The following SLC9C1 variants were observed in gnomAD, a reference collection of about 807,000 sequenced individuals.
SLC9C1 encodes solute carrier family 9 member C1.
Under a neutral mutation model 140.9 loss-of-function variants are expected in SLC9C1, and 97 were observed. The ratio of observed to expected loss-of-function variants is 0.69; its 90% CI spans 0.58 to 0.82. The LOEUF (loss-of-function observed/expected upper bound fraction) is 0.82, where lower values mean the gene tolerates loss of function less well. SLC9C1 is among the 40% of genes least tolerant of loss of function. SLC9C1 has a pLI of 0.00. For synonymous variants in SLC9C1, 440 were observed against 442.6 expected, an observed-to-expected ratio of 0.99 and a Z score of 0.07; for missense variants, 1,340 against 1,389.3, an observed-to-expected ratio of 0.96 and a Z score of 0.56.
intron 28 of SLC9C1, among the ~76,000 whole-genome samples, chr3:112,141,612 CT>C (rs1469172496): frequency 6.6e-6 from 1 of 152,180 alleles, no homozygotes; most frequent in Non-Finnish European, 1.5e-5. Flanking sequence ...ACTCATTGAG[CT>C]TCAGTTCTGA....
At chr3:112,187,857 A>G (rs912696595) in intron 20 of SLC9C1, among the ~76,000 whole-genome samples, 1 of 152,068 alleles carries the variant, frequency 6.6e-6, no homozygotes, top group Non-Finnish European at 1.5e-5. Flanking sequence ...TTAAAAATCT[A>G]AAATGACCAT....
At chr3:112,266,131 A>T (rs1243735973) in intron 8 of SLC9C1, 107 bp downstream of exon 8, 1 of 844,576 alleles carries the variant, frequency 1.2e-6, no homozygotes, top group Non-Finnish European at 1.8e-6. Context: ...GGTAGTTTTC[A>T]AGTCTTTGAA....
intron 2 of SLC9C1, among the ~76,000 whole-genome samples, chr3:112,285,476 A>G (rs2080482500): frequency 6.6e-6 from 1 of 152,224 alleles, no homozygotes; most frequent in Non-Finnish European, 1.5e-5. Flanking sequence ...CCTGAGCTCA[A>G]GCAATCTGCC....
At chr3:112,141,334 A>T in intron 28 of SLC9C1, 53 bp from the exon 29 acceptor site, 1 of 1,545,824 alleles carries the variant, frequency 6.5e-7, no homozygotes, top group Non-Finnish European at 8.7e-7. Context: ...TGAATCTTTC[A>T]ATATTGACTT....
intron 3 of SLC9C1, 39 bp downstream of exon 3, chr3:112,280,644 T>C: frequency 1.7e-5 from 26 of 1,519,856 alleles, no homozygotes; most frequent in Non-Finnish European, 2.0e-5. Flanking sequence ...TATATAATTC[T>C]CAAATAAATA....
chr3:112,199,491 T>C (rs1200260655), intron 19 of SLC9C1, 22 bp from the exon 20 acceptor site: 1 of 1,525,886 alleles, frequency 6.6e-7, no homozygotes, highest in South Asian at 1.3e-5. Flanking sequence ...CAAAATATTT[T>C]TAGATTAAAT....
chr3:112,287,328 G>C (rs1450674778), intron 1 of SLC9C1, among the ~76,000 whole-genome samples: 1 of 152,172 alleles, frequency 6.6e-6, no homozygotes, highest in East Asian at 1.9e-4. Flanking sequence ...AAGAATATTT[G>C]GATCTCTTTT....
intron 13 of SLC9C1, among the ~76,000 whole-genome samples, chr3:112,228,960 C>T (rs187604844): frequency 2.0e-5 from 3 of 152,032 alleles, no homozygotes; most frequent in African/African-American, 7.2e-5. Context: ...CAGAAAATGT[C>T]GTATATTTAC....
intron 21 of SLC9C1, among the ~76,000 whole-genome samples, chr3:112,181,278 C>G (rs2077434925): frequency 6.6e-6 from 1 of 152,148 alleles, no homozygotes; most frequent in Admixed American, 6.5e-5. Flanking sequence ...GGATAAAAAT[C>G]TTTCATCTGG....
At position 112,216,548 on chromosome 3, in the gene SLC9C1, A is replaced by C. The variant is rs536251052; in HGVS notation, c.1790+894T>G. Among the ~76,000 whole-genome samples, 79 of 151,428 alleles carry C rather than the reference A, an allele frequency of 5.2e-4. 3 individuals are homozygous for C. In the South Asian group the frequency reaches 0.016, roughly 31 times the overall value. ...AACCCCATCAAAAAGTGGGCAAATGATATGAACAGACACTTCTCAAAAGAA... is the reference window on the plus strand; with the variant it reads ...AACCCCATCAAAAAGTGGGCAAATGCTATGAACAGACACTTCTCAAAAGAA... On this transcript the variant is annotated intron_variant, in intron 15 of 28. Transcript: ENST00000305815.
intron 26 of SLC9C1, among the ~76,000 whole-genome samples, chr3:112,157,761 GT>G (rs2075168728): frequency 2.0e-5 from 1 of 49,698 alleles, no homozygotes; most frequent in African/African-American, 4.0e-5. Context: ...TTATTCCTAG[GT>G]ATTTTTTTTT....
intron 23 of SLC9C1, among the ~76,000 whole-genome samples, chr3:112,172,506 A>G (rs2077265057): frequency 6.6e-6 from 1 of 152,004 alleles, no homozygotes; most frequent in East Asian, 1.9e-4. Context: ...AGACAATTTT[A>G]GTGCTTTCTT....
chr3:112,158,140 A>G (rs571610807), intron 26 of SLC9C1, among the ~76,000 whole-genome samples: 1 of 151,948 alleles, frequency 6.6e-6, no homozygotes, highest in Non-Finnish European at 1.5e-5. Flanking sequence ...TTAATATGTT[A>G]TTAGTTGAGG....
intron 10 of SLC9C1, among the ~76,000 whole-genome samples, chr3:112,256,900 A>C (rs1009737920): frequency 1.3e-5 from 2 of 152,190 alleles, no homozygotes; most frequent in African/African-American, 4.8e-5. Context: ...ATTCATCAGC[A>C]TTCTTATGCA....
At chr3:112,291,063 A>G (rs192216789) in intron 1 of SLC9C1, among the ~76,000 whole-genome samples, 1 of 152,262 alleles carries the variant, frequency 6.6e-6, no homozygotes, top group Non-Finnish European at 1.5e-5. Flanking sequence ...GTATTGATAC[A>G]TGTGGATTTG....
chr3:112,236,631 C>T (rs1030718997), intron 12 of SLC9C1, among the ~76,000 whole-genome samples: 2 of 152,198 alleles, frequency 1.3e-5, no homozygotes, highest in Non-Finnish European at 2.9e-5. Flanking sequence ...CCTCTACACA[C>T]TGCTTTGAAT....
At chr3:112,261,190 G>C (rs1262290060) in intron 10 of SLC9C1, among the ~76,000 whole-genome samples, 4 of 151,990 alleles carry the variant, frequency 2.6e-5, no homozygotes, top group African/African-American at 9.7e-5. Flanking sequence ...AAACATTTTT[G>C]TAGTTGTTTA....
intron 27 of SLC9C1, among the ~76,000 whole-genome samples, chr3:112,153,267 T>C (rs1160371949): frequency 6.6e-6 from 1 of 152,036 alleles, no homozygotes; most frequent in African/African-American, 2.4e-5. Flanking sequence ...TTTTAATTGA[T>C]GGAAAAGCAG....
chr3:112,170,015 G>T (rs1041927770), intron 23 of SLC9C1, among the ~76,000 whole-genome samples: 2 of 151,922 alleles, frequency 1.3e-5, no homozygotes, highest in African/African-American at 2.4e-5. Flanking sequence ...AGAGTTAAAC[G>T]TTAGATCCTA....
Sources: gnomAD v4.1 joint callset for allele counts (sites outside exome capture counted in the v4.1 genomes callset) on GRCh38, gnomAD v4.1.1 for gene constraint, MANE v1.5 for transcripts, NCBI Gene and HGNC (gene_info 2026-07-23, HGNC 2026-07-21) for gene names.